Variants in DOCK4 observed in about 807,000 individuals in gnomAD.
The protein encoded by DOCK4 is dedicator of cytokinesis protein 4.
DOCK4 carries 97 observed loss-of-function variants against 268.1 expected under a neutral mutation model. That is an observed-to-expected ratio of 0.36 (90% CI 0.31 to 0.43). DOCK4 has a LOEUF of 0.43. Among genes scored for constraint, DOCK4 ranks in the 20% least tolerant of loss-of-function variants. The pLI, the probability that DOCK4 is intolerant of heterozygous loss-of-function variation, is 1.00. For missense variants in DOCK4, 2,145 were observed against 2,455.7 expected (o/e 0.87, Z 2.67); for synonymous variants, 954 against 887.2 (o/e 1.08, Z -1.34).
Position 112,206,193 on chromosome 7 carries a change from G to C in DOCK4, c.-55C>G, listed in dbSNP as rs1821394267. The C allele has an allele frequency of 2.0e-6, 3 of 1,533,946 alleles. No individual in the cohort carries two copies. The highest frequency in any genetic ancestry group is 1.8e-6 in the Non-Finnish European group (2 of 1,130,426). ...TTGTAATCCCCGCGCCCCTTCTCCG[G>C]CTCACAACAATGCACAGTCCCCGAG... On this transcript the variant is annotated 5_prime_UTR_variant, in exon 1 of 53. Coordinates refer to ENST00000428084, the MANE Select transcript of DOCK4 (RefSeq NM_001363540.2).
In DOCK4 at chr7:111,740,787, G is replaced by C. The variant is rs151312436; in HGVS notation, c.5040+307C>G. On this transcript the variant is annotated intron_variant, in intron 47 of 52. Coordinates refer to ENST00000428084, the MANE Select transcript of DOCK4 (RefSeq NM_001363540.2). ...GCAAGCTAAGAGGCAGCTAGTGAGT[G>C]GCAACACACTCTGAGAGTCCTGGAC... Among the ~76,000 whole-genome samples, 720 of 139,770 alleles carry C rather than the reference G, an allele frequency of 5.2e-3. 7 individuals carry two copies. Among genetic ancestry groups the C allele is most frequent in the African/African-American group, 0.018 (692 of 38,002 alleles). 91.7% of individuals were successfully genotyped at this position (139,770 alleles called of 152,430 possible).
Position 111,856,007 on chromosome 7 carries a change from G to A in DOCK4, c.2473+7365C>T, listed in dbSNP as rs576057117. Among the ~76,000 whole-genome samples the A allele has an allele frequency of 3.3e-5, 5 of 152,262 alleles. No individual in the cohort carries two copies. In the South Asian group the frequency reaches 6.2e-4, roughly 19 times the overall value. On this transcript the variant is annotated intron_variant, in intron 23 of 52. Transcript: ENST00000428084. ...TTAAACAGGAAGAGTGAGGAGGCCC[G>A]TTATCAGTCTGGTTTACAATGACTC...
intron 8 of DOCK4, among the ~76,000 whole-genome samples, chr7:111,973,984 G>A (rs1394539426): frequency 6.6e-6 from 1 of 152,120 alleles, no homozygotes; most frequent in African/African-American, 2.4e-5. Context: ...CTGAGAAGAT[G>A]CGGACATTTG....
intron 8 of DOCK4, among the ~76,000 whole-genome samples, chr7:111,954,916 G>GC (rs1432940803): frequency 6.6e-6 from 1 of 152,102 alleles, no homozygotes; most frequent in African/African-American, 2.4e-5. Context: ...TAAAGCCCAG[G>GC]CCCCACCCTG....
intron 8 of DOCK4, among the ~76,000 whole-genome samples, chr7:111,953,041 C>A (rs1796177818): frequency 6.6e-6 from 1 of 151,962 alleles, no homozygotes; most frequent in Admixed American, 6.6e-5. Context: ...GCCTGGGCAA[C>A]AGGGTGAAAC....
intron 43 of DOCK4, among the ~76,000 whole-genome samples, chr7:111,747,036 A>G (rs1313823488): frequency 6.6e-6 from 1 of 152,156 alleles, no homozygotes; most frequent in Non-Finnish European, 1.5e-5. Flanking sequence ...TCATGCAAGA[A>G]TGAACACACA....
intron 45 of DOCK4, 23 bp downstream of exon 45, chr7:111,741,990 C>A: frequency 6.5e-7 from 1 of 1,543,532 alleles, no homozygotes; most frequent in South Asian, 1.3e-5. Flanking sequence ...GCTGCCCCGC[C>A]ATGGACACCT....
At chr7:112,197,209 C>T (rs1227572410) in intron 1 of DOCK4, among the ~76,000 whole-genome samples, 1 of 151,848 alleles carries the variant, frequency 6.6e-6, no homozygotes, top group African/African-American at 2.4e-5. Context: ...AGCTAGAATT[C>T]CTTCCTTTAA....
intron 12 of DOCK4, among the ~76,000 whole-genome samples, chr7:111,924,909 T>C (rs1793472033): frequency 6.6e-6 from 1 of 152,198 alleles, no homozygotes; most frequent in Admixed American, 6.5e-5. Flanking sequence ...TGACAGTACT[T>C]GCATACTTTG....
chr7:112,167,890 TC>T (rs879859640), intron 1 of DOCK4, among the ~76,000 whole-genome samples: 4 of 152,156 alleles, frequency 2.6e-5, no homozygotes, highest in Admixed American at 2.0e-4. Context: ...TCCCACCAGC[TC>T]CCTCTTTTTC....
At chr7:112,046,321 T>G (rs902253144) in intron 1 of DOCK4, among the ~76,000 whole-genome samples, 1 of 152,220 alleles carries the variant, frequency 6.6e-6, no homozygotes, top group African/African-American at 2.4e-5. Flanking sequence ...TGTTCTGCCT[T>G]GAATCATTTA....
chr7:111,783,129 C>A (rs1798902652), intron 34 of DOCK4, among the ~76,000 whole-genome samples: 1 of 152,056 alleles, frequency 6.6e-6, no homozygotes, highest in African/African-American at 2.4e-5. Context: ...TCTAGGGAAT[C>A]TGGGGAGTCA....
intron 1 of DOCK4, among the ~76,000 whole-genome samples, chr7:112,138,477 G>A (rs1750112279): frequency 1.3e-5 from 2 of 152,318 alleles, no homozygotes; most frequent in African/African-American, 4.8e-5. Flanking sequence ...GGCCAAGAAA[G>A]TATTTGCAGA....
chr7:111,815,783 T>G lies in DOCK4; in HGVS notation c.2931-3834A>C, dbSNP rs796994251. On this transcript the variant is annotated intron_variant, in intron 27 of 52. Transcript: ENST00000428084. The stretch of plus-strand genomic sequence containing the variant: ...GCCTCCCACATTCAAGCAATTCTCT[T>G]GTCTCAGCCTCCCAAGTAGCTGGGA... 7.9e-5 allele frequency among the ~76,000 whole-genome samples: 12 copies of G among 151,956 alleles called. No homozygotes were observed. The South Asian group carries it at 2.5e-3, about 32-fold the overall frequency.
intron 1 of DOCK4, among the ~76,000 whole-genome samples, chr7:112,186,555 T>TAA (rs1223612519): frequency 6.6e-6 from 1 of 152,192 alleles, no homozygotes; most frequent in Admixed American, 6.5e-5. Flanking sequence ...TGACACCTAG[T>TAA]AAGAGTTCAG....
At chr7:112,195,573 G>C (rs558783756) in intron 1 of DOCK4, among the ~76,000 whole-genome samples, 2 of 152,106 alleles carry the variant, frequency 1.3e-5, no homozygotes, top group East Asian at 1.9e-4. Context: ...TCCCCACAAA[G>C]TGAATAATGT....
At chr7:111,936,114 TTC>T (rs1302640462) in intron 11 of DOCK4, among the ~76,000 whole-genome samples, 1 of 152,206 alleles carries the variant, frequency 6.6e-6, no homozygotes, top group African/African-American at 2.4e-5. Context: ...AGTAAATTAG[TTC>T]TCATTAGCAA....
intron 35 of DOCK4, among the ~76,000 whole-genome samples, chr7:111,779,134 G>C (rs369869055): frequency 2.0e-5 from 3 of 151,476 alleles, no homozygotes; most frequent in African/African-American, 7.3e-5. Context: ...ATGAGTAAAA[G>C]CAATGTAAAA....
chr7:111,744,480 C>A (rs1489104971), intron 44 of DOCK4, among the ~76,000 whole-genome samples: 1 of 152,144 alleles, frequency 6.6e-6, no homozygotes, highest in Non-Finnish European at 1.5e-5. Context: ...ATTTTCTAGG[C>A]CATGGCTCTT....
Sources: allele counts gnomAD v4.1 joint callset (sites outside exome capture counted in the v4.1 genomes callset), GRCh38; gene constraint gnomAD v4.1.1; transcripts MANE v1.5; gene names NCBI Gene and HGNC (gene_info 2026-07-23, HGNC 2026-07-21).